Variants in CD44 observed in about 807,000 individuals in gnomAD.
CD44 encodes the protein CD44 antigen.
CD44 carries 49 observed loss-of-function variants against 88.8 expected under a neutral mutation model. The ratio of observed to expected loss-of-function variants is 0.55; its 90% CI spans 0.44 to 0.70. The LOEUF (loss-of-function observed/expected upper bound fraction) is 0.70, where lower values mean the gene tolerates loss of function less well. Ranked by LOEUF, CD44 falls within the 30% of genes least tolerant of loss-of-function variation. The pLI, the probability that CD44 is intolerant of heterozygous loss-of-function variation, is 0.00. For synonymous variants in CD44, 325 were observed against 312.3 expected (o/e 1.04, Z -0.43); for missense variants, 883 against 913.8 (o/e 0.97, Z 0.43).
rs1947651355 is a variant in CD44 at position 35,204,644 on chromosome 11, A to T, written c.1282+4A>T. 5 of 1,612,556 alleles carry T rather than the reference A, an allele frequency of 3.1e-6. No individual in the cohort carries two copies. The highest frequency in any genetic ancestry group is 4.2e-6 in the Non-Finnish European group (5 of 1,178,960). On this transcript the variant is annotated splice_donor_region_variant and intron_variant, in intron 10 of 17. Transcript: ENST00000428726. Reference sequence around the variant, plus strand: ...CATTCGACAACAGGGACAGCTGGTAATGGATGGTTTAACAAGTAAATTTGG... The same window carrying T: ...CATTCGACAACAGGGACAGCTGGTATTGGATGGTTTAACAAGTAAATTTGG...
chr11:35,215,529 CT>C (rs1182463171), intron 15 of CD44, among the ~76,000 whole-genome samples: 20 of 152,270 alleles, frequency 1.3e-4, no homozygotes, highest in African/African-American at 4.8e-4. Flanking sequence ...CAGCATCTTT[CT>C]AAACACTTTA....
chr11:35,157,617 C>T (rs139185567), intron 1 of CD44, among the ~76,000 whole-genome samples: 1 of 152,090 alleles, frequency 6.6e-6, no homozygotes, highest in South Asian at 2.1e-4. Context: ...AATACACAGG[C>T]CACATCTTCT....
intron 9 of CD44, among the ~76,000 whole-genome samples, chr11:35,203,827 A>G (rs1463788585): frequency 1.3e-5 from 2 of 152,160 alleles, no homozygotes; most frequent in Admixed American, 1.3e-4. Flanking sequence ...TTTTAAAATG[A>G]TGGTTGAAAT....
chr11:35,204,099 C>G (rs1947578004), intron 9 of CD44, among the ~76,000 whole-genome samples: 2 of 152,110 alleles, frequency 1.3e-5, no homozygotes, highest in Non-Finnish European at 1.5e-5. Flanking sequence ...ATGTGCTGAT[C>G]TTGTTATTAG....
chr11:35,155,606 T>C (rs902715934), intron 1 of CD44, among the ~76,000 whole-genome samples: 1 of 152,186 alleles, frequency 6.6e-6, no homozygotes. Context: ...CAGGGAATAA[T>C]CTTAAATCTG....
chr11:35,211,781 G>C (rs1341998126), intron 14 of CD44, among the ~76,000 whole-genome samples: 2 of 152,010 alleles, frequency 1.3e-5, no homozygotes, highest in African/African-American at 2.4e-5. Context: ...TGAACCACAT[G>C]AAACTGATAT....
chr11:35,139,600 T>C (rs1857489251), intron 1 of CD44: 2 of 752,820 alleles, frequency 2.7e-6, no homozygotes, highest in Non-Finnish European at 4.9e-6. Context: ...AGAAAGTTTG[T>C]TGGGCAGGCT....
chr11:35,153,439 G>A (rs1388754041), intron 1 of CD44, among the ~76,000 whole-genome samples: 1 of 152,100 alleles, frequency 6.6e-6, no homozygotes, highest in African/African-American at 2.4e-5. Flanking sequence ...ATGAGCATTT[G>A]GAAACCATAA....
chr11:35,179,253 G>T (rs1256922375), intron 2 of CD44, among the ~76,000 whole-genome samples: 2 of 152,158 alleles, frequency 1.3e-5, no homozygotes, highest in Non-Finnish European at 2.9e-5. Context: ...GTGCATTTTA[G>T]CCAGAATTGC....
chr11:35,174,177 C>T (rs1260657860), intron 1 of CD44, among the ~76,000 whole-genome samples: 1 of 152,168 alleles, frequency 6.6e-6, no homozygotes, highest in Admixed American at 6.5e-5. Context: ...AGACTATAGG[C>T]TCTAGATAGA....
intron 1 of CD44, among the ~76,000 whole-genome samples, chr11:35,145,567 A>T (rs1344415827): frequency 6.6e-6 from 1 of 152,068 alleles, no homozygotes; most frequent in Non-Finnish European, 1.5e-5. Flanking sequence ...AGTTGGGCTG[A>T]GAAGGGAGTG....
In CD44 at chr11:35,210,022, A is replaced by G; in HGVS notation, c.1574A>G (p.Asp525Gly). ...CATGAAGGCTTGGAAGAAGATAAAG[A>G]CCATCCAACAACTTCTACTCTGACA... is the stretch of plus-strand genomic sequence containing the variant. ...TSHEGLEEDK[D>G]HPTTSTLTSS... The change falls in exon 13 of 18, where the codon GAC becomes GGC. Residue 525 changes from aspartate to glycine, a missense_variant. By Grantham distance (94) the Asp-to-Gly change is moderately conservative. Transcript: ENST00000428726. 6.4e-7 allele frequency: 1 copy of G among 1,565,226 alleles called. No individual in the cohort carries two copies. Among genetic ancestry groups the G allele is most frequent in the Middle Eastern group, 1.7e-4 (1 of 5,968 alleles).
intron 1 of CD44, among the ~76,000 whole-genome samples, chr11:35,149,310 G>C (rs901936079): frequency 3.9e-5 from 6 of 152,210 alleles, no homozygotes; most frequent in Non-Finnish European, 7.3e-5. Flanking sequence ...GCTTGGTGTG[G>C]TGTAATGAAG....
chr11:35,147,429 C>T (rs896309129), intron 1 of CD44, among the ~76,000 whole-genome samples: 2 of 152,122 alleles, frequency 1.3e-5, no homozygotes, highest in Non-Finnish European at 2.9e-5. Flanking sequence ...TTCTATTTGG[C>T]CCAGCATGTG....
Position 35,186,907 on chromosome 11 carries a change from C to G in CD44, c.436+7C>G. On this transcript the variant is annotated splice_region_variant and intron_variant, in intron 4 of 17. Coordinates refer to ENST00000428726, the MANE Select transcript of CD44 (RefSeq NM_000610.4). ...GATGGACCAATTACCATAAGTATGTCTCTCTTCTAATCTTAATTAAATTTT... is the reference window on the plus strand; with the variant it reads ...GATGGACCAATTACCATAAGTATGTGTCTCTTCTAATCTTAATTAAATTTT... 1 of 1,535,018 alleles carries G rather than the reference C, an allele frequency of 6.5e-7. No individual in the cohort carries two copies.
intron 17 of CD44, among the ~76,000 whole-genome samples, chr11:35,227,985 TA>T: frequency 6.6e-6 from 1 of 152,362 alleles, no homozygotes; most frequent in East Asian, 1.9e-4. Context: ...TTGTAAGAAT[TA>T]CAGAAAATTA....
At chr11:35,202,014 G>A (rs1277515478) in intron 9 of CD44, among the ~76,000 whole-genome samples, 1 of 152,176 alleles carries the variant, frequency 6.6e-6, no homozygotes, top group Non-Finnish European at 1.5e-5. Context: ...TTAAGAAGTA[G>A]ATCTAGATAC....
chr11:35,176,849 G>A lies in CD44; in HGVS notation c.233+109G>A. On this transcript the variant is annotated intron_variant, in intron 2 of 17. Transcript: ENST00000428726. ...CACAGCTGAATGGATTATTGCCTAA[G>A]GAGTCAACCCCACGTATTAATTTGG... The A allele has an allele frequency of 4.8e-6, 5 of 1,038,210 alleles. No homozygotes were observed. The East Asian group carries it at 7.6e-5, about 16-fold the overall frequency. 64.3% of individuals were successfully genotyped at this position (1,038,210 alleles called of 1,614,324 possible). A position where few individuals can be genotyped will look rare whatever the true frequency, so the allele number is the denominator to read the frequency against.
At chr11:35,169,982 A>G (rs1486038014) in intron 1 of CD44, among the ~76,000 whole-genome samples, 1 of 152,232 alleles carries the variant, frequency 6.6e-6, no homozygotes, top group African/African-American at 2.4e-5. Context: ...TGGGTTTAGC[A>G]ATAGTGCCTA....
Sources: allele counts gnomAD v4.1 joint callset (sites outside exome capture counted in the v4.1 genomes callset), GRCh38; gene constraint gnomAD v4.1.1; transcripts MANE v1.5; gene names NCBI Gene and HGNC (gene_info 2026-07-23, HGNC 2026-07-21).